The following WDR70 variants were observed in gnomAD, a reference collection of about 807,000 sequenced individuals.
The protein encoded by WDR70 is WD repeat-containing protein 70.
WDR70 carries 53 observed loss-of-function variants against 88.6 expected under a neutral mutation model. That is an observed-to-expected ratio of 0.60 (90% CI 0.48 to 0.75). The LOEUF is 0.75. Among genes scored for constraint, WDR70 ranks in the 30% least tolerant of loss-of-function variants. WDR70 has a pLI of 0.00. For missense variants in WDR70, 610 were observed against 823.2 expected (o/e 0.74, Z 3.17); for synonymous variants, 280 against 270.0 (o/e 1.04, Z -0.36).
At chr5:37,518,358 A>C (rs1225109249) in intron 9 of WDR70, among the ~76,000 whole-genome samples, 2 of 151,264 alleles carry the variant, frequency 1.3e-5, no homozygotes, top group African/African-American at 4.9e-5. Flanking sequence ...ATACTCCGCT[A>C]CCCTCTTCAG....
At chr5:37,518,906 C>T (rs1218990910) in intron 9 of WDR70, among the ~76,000 whole-genome samples, 4 of 151,952 alleles carry the variant, frequency 2.6e-5, no homozygotes, top group Admixed American at 6.5e-5. Flanking sequence ...GAGCATGCTG[C>T]CTTCAAGCAT....
chr5:37,689,833 A>G (rs1746729833), intron 10 of WDR70, among the ~76,000 whole-genome samples: 1 of 152,236 alleles, frequency 6.6e-6, no homozygotes, highest in African/African-American at 2.4e-5. Flanking sequence ...CTCGCCAGCA[A>G]TGGAACAAAG....
intron 9 of WDR70, among the ~76,000 whole-genome samples, chr5:37,579,978 G>T (rs975661819): frequency 2.6e-5 from 4 of 152,042 alleles, no homozygotes; most frequent in Non-Finnish European, 4.4e-5. Flanking sequence ...ATTCATTAGA[G>T]GTCATACGCT....
intron 9 of WDR70, among the ~76,000 whole-genome samples, chr5:37,539,948 T>C (rs1413156219): frequency 6.6e-6 from 1 of 152,244 alleles, no homozygotes; most frequent in East Asian, 1.9e-4. Flanking sequence ...CACATTTCTG[T>C]GGCATTCTTG....
chr5:37,429,157 T>C (rs1481209729), intron 5 of WDR70, among the ~76,000 whole-genome samples: 1 of 152,198 alleles, frequency 6.6e-6, no homozygotes, highest in African/African-American at 2.4e-5. Flanking sequence ...ATTTGTGAAG[T>C]GTCTGTTCAA....
intron 8 of WDR70, among the ~76,000 whole-genome samples, chr5:37,486,017 C>G (rs1739857219): frequency 6.6e-6 from 1 of 151,752 alleles, no homozygotes; most frequent in African/African-American, 2.4e-5. Flanking sequence ...GCCTGGCCAA[C>G]AATATATATT....
intron 7 of WDR70, among the ~76,000 whole-genome samples, chr5:37,445,820 C>T (rs1205549578): frequency 6.6e-6 from 1 of 152,166 alleles, no homozygotes; most frequent in Non-Finnish European, 1.5e-5. Flanking sequence ...ATGAGAAACC[C>T]ACAGCCAATA....
intron 13 of WDR70, among the ~76,000 whole-genome samples, chr5:37,714,840 G>A (rs547268366): frequency 6.6e-6 from 1 of 152,252 alleles, no homozygotes; most frequent in East Asian, 1.9e-4. Flanking sequence ...TCAAGTAACA[G>A]GGTTGGAGCA....
chr5:37,608,498 T>C (rs906580778), intron 10 of WDR70, among the ~76,000 whole-genome samples: 1 of 152,144 alleles, frequency 6.6e-6, no homozygotes, highest in African/African-American at 2.4e-5. Context: ...CCCTCTTATT[T>C]TCTTCCATAG....
rs968278517 is a variant in WDR70 at position 37,617,717 on chromosome 5, A to G, written c.1092+12479A>G. ...GACTTGATAAGTATTTGTTGAATTA[A>G]ATCTCAAGGGCTTTATTTACCTGCA... On this transcript the variant is annotated intron_variant, in intron 10 of 17. Coordinates refer to ENST00000265107, the MANE Select transcript of WDR70 (RefSeq NM_018034.4). 1.1e-4 allele frequency among the ~76,000 whole-genome samples: 16 copies of G among 152,314 alleles called. 1 individual carries two copies. In the South Asian group the frequency reaches 2.9e-3, roughly 28 times the overall value.
chr5:37,574,418 G>T (rs1742997594), intron 9 of WDR70, among the ~76,000 whole-genome samples: 1 of 152,138 alleles, frequency 6.6e-6, no homozygotes, highest in African/African-American at 2.4e-5. Context: ...ACATTTCTTT[G>T]TCTTTTCCTT....
chr5:37,404,370 G>A (rs759295184), intron 5 of WDR70, among the ~76,000 whole-genome samples: 7 of 152,130 alleles, frequency 4.6e-5, no homozygotes, highest in Non-Finnish European at 1.0e-4. Context: ...AAAAGGGAAT[G>A]AAATTATTGC....
At position 37,702,956 on chromosome 5, in the gene WDR70, T is replaced by G; in HGVS notation, c.1285T>G (p.Cys429Gly). The G allele has an allele frequency of 6.2e-7, 1 of 1,607,710 alleles. No individual in the cohort carries two copies. Among genetic ancestry groups the G allele is most frequent in the Non-Finnish European group, 8.5e-7 (1 of 1,174,518 alleles). Residue 429 changes from cysteine (C) to glycine (G), a missense_variant, in exon 13 of 18, where the codon TGC (cysteine) becomes GGC (glycine). Cys to Gly is a radical substitution (Grantham distance 159). Coordinates refer to ENST00000265107, the MANE Select transcript of WDR70 (RefSeq NM_018034.4). ...AACTCTTTTTTTCTGTAGGACTGACTGCTGTTTCAGTCCAGATGATAAGCT... is the reference window on the plus strand; with the variant it reads ...AACTCTTTTTTTCTGTAGGACTGACGGCTGTTTCAGTCCAGATGATAAGCT... ...GLPTMFPMTDCCFSPDDKLIV... is the reference protein window; with the variant it reads ...GLPTMFPMTDGCFSPDDKLIV...
intron 7 of WDR70, among the ~76,000 whole-genome samples, chr5:37,476,128 G>T (rs77667884): frequency 0.16 from 24,617 of 151,882 alleles, 2,119 homozygotes; most frequent in South Asian, 0.27. Flanking sequence ...TGGGATTATA[G>T]CATGAGCCAC....
chr5:37,659,812 G>C (rs991451203), intron 10 of WDR70, among the ~76,000 whole-genome samples: 1 of 152,100 alleles, frequency 6.6e-6, no homozygotes. Flanking sequence ...TTCCATCATA[G>C]CGGCCCATCC....
At chr5:37,402,519 A>G (rs1749228170) in intron 5 of WDR70, among the ~76,000 whole-genome samples, 1 of 152,032 alleles carries the variant, frequency 6.6e-6, no homozygotes, top group Non-Finnish European at 1.5e-5. Context: ...ATTGATAAAT[A>G]ATATATATAT....
chr5:37,630,684 T>A (rs773331759), intron 10 of WDR70, among the ~76,000 whole-genome samples: 1 of 152,294 alleles, frequency 6.6e-6, no homozygotes, highest in Non-Finnish European at 1.5e-5. Context: ...GGGCCCATAC[T>A]CTGCACAGCT....
chr5:37,684,570 C>T (rs746553955), intron 10 of WDR70, among the ~76,000 whole-genome samples: 14 of 152,294 alleles, frequency 9.2e-5, no homozygotes, highest in Admixed American at 5.9e-4. Flanking sequence ...GCTAAGGCTC[C>T]GCTCCCACTC....
intron 10 of WDR70, among the ~76,000 whole-genome samples, chr5:37,644,707 G>A (rs1457039788): frequency 6.6e-6 from 1 of 151,854 alleles, no homozygotes; most frequent in Non-Finnish European, 1.5e-5. Flanking sequence ...GTCTTGGTAA[G>A]GGTTATGTAT....
Sources: allele counts gnomAD v4.1 joint callset (sites outside exome capture counted in the v4.1 genomes callset), GRCh38; gene constraint gnomAD v4.1.1; transcripts MANE v1.5; gene names NCBI Gene and HGNC (gene_info 2026-07-23, HGNC 2026-07-21).